DAB1: variants seen among roughly 807,000 people sequenced by gnomAD.
DAB1 encodes DAB adaptor protein 1.
A neutral mutation model predicts 64.6 loss-of-function variants in DAB1; 15 were observed. The observed-to-expected ratio is 0.23, with a 90% CI of 0.16 to 0.36. The LOEUF (loss-of-function observed/expected upper bound fraction) is 0.36. DAB1 is among the 10% of genes least tolerant of loss of function. The pLI is 1.00. For missense variants in DAB1, 596 were observed against 706.7 expected, an observed-to-expected ratio of 0.84 and a Z score of 1.78; for synonymous variants, 235 against 251.9, an observed-to-expected ratio of 0.93 and a Z score of 0.64.
chr1:58,464,437 A>G (rs781328594), intron 3 of DAB1, among the ~76,000 whole-genome samples: 3 of 152,158 alleles, frequency 2.0e-5, no homozygotes, highest in Admixed American at 6.5e-5. Context: ...AGGTTTTTAT[A>G]TTCTAAATGG....
intron 9 of DAB1, among the ~76,000 whole-genome samples, chr1:57,043,872 G>T (rs1014230773): frequency 6.6e-6 from 1 of 151,926 alleles, no homozygotes; most frequent in African/African-American, 2.4e-5. Flanking sequence ...ATCAGATGAG[G>T]TCTCTTATTG....
chr1:57,867,307 C>T (rs938492501), intron 1 of DAB1: 2 of 152,088 alleles, frequency 1.3e-5, no homozygotes, highest in African/African-American at 4.8e-5. Flanking sequence ...TGGGATTAAC[C>T]CTGGCGTTTG....
intron 4 of DAB1, among the ~76,000 whole-genome samples, chr1:58,254,275 G>A (rs1326789062): frequency 6.6e-6 from 1 of 152,076 alleles, no homozygotes; most frequent in African/African-American, 2.4e-5. Context: ...TTTCTCTCTT[G>A]CTGTTTGTAG....
chr1:58,073,854 C>T (rs1649427064), intron 5 of DAB1, among the ~76,000 whole-genome samples: 1 of 152,110 alleles, frequency 6.6e-6, no homozygotes, highest in Non-Finnish European at 1.5e-5. Context: ...GAAATTAGTT[C>T]AGAAGGTGAA....
At chr1:57,654,566 A>G (rs1454352024) in intron 6 of DAB1, among the ~76,000 whole-genome samples, 5 of 152,226 alleles carry the variant, frequency 3.3e-5, no homozygotes, top group Non-Finnish European at 7.3e-5. Context: ...ATATATGTTG[A>G]AAATATTTTT....
intron 5 of DAB1, among the ~76,000 whole-genome samples, chr1:57,980,567 AC>A (rs1231143103): frequency 1.3e-5 from 2 of 152,032 alleles, no homozygotes; most frequent in Non-Finnish European, 2.9e-5. Context: ...TTGCTTCTCC[AC>A]CCTCTTCACT....
chr1:57,828,251 C>A (rs1006839835), intron 1 of DAB1, among the ~76,000 whole-genome samples: 1 of 152,190 alleles, frequency 6.6e-6, no homozygotes, highest in Non-Finnish European at 1.5e-5. Flanking sequence ...GGCCGATCAT[C>A]CCCATCTTAT....
At chr1:57,177,585 A>T (rs1662463214) in intron 2 of DAB1, among the ~76,000 whole-genome samples, 1 of 152,116 alleles carries the variant, frequency 6.6e-6, no homozygotes, top group African/African-American at 2.4e-5. Flanking sequence ...TCACTCAAGA[A>T]CTCTAAAGCG....
At chr1:57,049,244 T>A (rs767778665) in intron 9 of DAB1, among the ~76,000 whole-genome samples, 46 of 151,536 alleles carry the variant, frequency 3.0e-4, no homozygotes, top group Non-Finnish European at 5.9e-4. Flanking sequence ...GGTCAGGAGA[T>A]CGAGATCATC....
rs577101899 is a variant in DAB1, at chr1:58,223,354, G to A, written n.310-72766C>T. On this transcript the variant is annotated intron_variant and non_coding_transcript_variant, in intron 4 of 20. Coordinates refer to the DAB1 transcript ENST00000485760. ...CCATTTCTCTCAGCCAGGACCAAAG[G>A]TATAATTGAGTTTCTGATGAAAGAA... Among the ~76,000 whole-genome samples, 7 of 152,282 alleles carry A rather than the reference G, an allele frequency of 4.6e-5. No homozygotes were observed. The East Asian group carries it at 1.3e-3, about 29-fold the overall frequency.
chr1:57,824,315 G>A (rs903841566), downstream of DAB1, among the ~76,000 whole-genome samples: 2 of 152,166 alleles, frequency 1.3e-5, no homozygotes, highest in African/African-American at 4.8e-5. Context: ...TGCTGTGAAT[G>A]TGGTCACACT....
intron 7 of DAB1, among the ~76,000 whole-genome samples, chr1:57,510,459 T>C (rs1340577971): frequency 6.6e-6 from 1 of 152,174 alleles, no homozygotes; most frequent in African/African-American, 2.4e-5. Flanking sequence ...ACGTTCTCCT[T>C]GAGTGAGCTC....
At chr1:57,804,988 CAG>C (rs774341710) in intron 6 of DAB1, among the ~76,000 whole-genome samples, 3 of 152,214 alleles carry the variant, frequency 2.0e-5, no homozygotes, top group Non-Finnish European at 2.9e-5. Flanking sequence ...CAGAGGGGAA[CAG>C]AATCAATCCA....
chr1:57,153,871 C>A (rs1028344991), intron 2 of DAB1, among the ~76,000 whole-genome samples: 5 of 151,884 alleles, frequency 3.3e-5, no homozygotes, highest in African/African-American at 1.2e-4. Context: ...GATCTCCTGA[C>A]CTTGTGATCC....
intron 4 of DAB1, among the ~76,000 whole-genome samples, chr1:58,222,730 C>A (rs1051206537): frequency 2.0e-5 from 3 of 152,210 alleles, no homozygotes; most frequent in African/African-American, 7.2e-5. Context: ...CTTTCCAGTT[C>A]TTTCATACAA....
At chr1:58,185,465 C>T (rs1657024295) in intron 4 of DAB1, among the ~76,000 whole-genome samples, 1 of 152,226 alleles carries the variant, frequency 6.6e-6, no homozygotes, top group Admixed American at 6.5e-5. Context: ...GCCCTATTGA[C>T]AGTTCAGGAA....
At chr1:57,149,438 C>T (rs376575669) in intron 2 of DAB1, among the ~76,000 whole-genome samples, 1 of 152,168 alleles carries the variant, frequency 6.6e-6, no homozygotes, top group Non-Finnish European at 1.5e-5. Context: ...CATTTTACAA[C>T]CCTCCTAGCA....
chr1:57,642,738 C>T (rs1646145318), intron 7 of DAB1, among the ~76,000 whole-genome samples: 2 of 152,178 alleles, frequency 1.3e-5, no homozygotes, highest in Admixed American at 6.5e-5. Flanking sequence ...GAATAGGATA[C>T]CTTTGGCAGG....
intron 5 of DAB1, among the ~76,000 whole-genome samples, chr1:57,968,732 T>C (rs2040095): frequency 0.48 from 73,356 of 151,950 alleles, 18,387 homozygotes; most frequent in East Asian, 0.9. Context: ...AAATACCTAT[T>C]ACATGCAGAG....
Sources: gnomAD v4.1 joint callset for allele counts (sites outside exome capture counted in the v4.1 genomes callset) on GRCh38, gnomAD v4.1.1 for gene constraint, MANE v1.5 for transcripts, NCBI Gene and HGNC (gene_info 2026-07-23, HGNC 2026-07-21) for gene names.